Variants in FOCAD observed in about 807,000 individuals in gnomAD.
FOCAD encodes the protein focadhesin.
A neutral mutation model predicts 225.6 loss-of-function variants in FOCAD; 198 were observed. That is an observed-to-expected ratio of 0.88 (90% CI 0.78 to 0.99). The LOEUF is 0.99. Ranked by LOEUF, FOCAD falls within the 50% of genes least tolerant of loss-of-function variation. FOCAD has a pLI of 0.00. For synonymous variants in FOCAD, 897 were observed against 755.0 expected, an observed-to-expected ratio of 1.19 and a Z score of -3.08; for missense variants, 2,713 against 2,123.6, an observed-to-expected ratio of 1.28 and a Z score of -5.46.
intron 19 of FOCAD, among the ~76,000 whole-genome samples, chr9:20,879,233 A>G (rs1243980227): frequency 6.6e-6 from 1 of 152,208 alleles, no homozygotes; most frequent in Non-Finnish European, 1.5e-5. Context: ...ACAAGGTAAT[A>G]GTTCTGCCTA....
chr9:20,979,290 T>C (rs761082574), intron 37 of FOCAD, among the ~76,000 whole-genome samples: 2 of 152,174 alleles, frequency 1.3e-5, no homozygotes, highest in African/African-American at 4.8e-5. Flanking sequence ...AGCCCTCTTA[T>C]CATTTCCTCA....
intron 11 of FOCAD, among the ~76,000 whole-genome samples, chr9:20,817,242 G>A (rs1257892743): frequency 1.3e-5 from 2 of 152,066 alleles, no homozygotes; most frequent in African/African-American, 4.8e-5. Context: ...TCCATTTGAA[G>A]TGTACAATTC....
At chr9:20,837,507 A>G (rs1275704100) in intron 15 of FOCAD, among the ~76,000 whole-genome samples, 1 of 152,054 alleles carries the variant, frequency 6.6e-6, no homozygotes, top group Non-Finnish European at 1.5e-5. Context: ...ATTCCAGTGA[A>G]TAAAATATAC....
chr9:20,955,352 T>G (rs1838039726), intron 35 of FOCAD, among the ~76,000 whole-genome samples: 1 of 152,154 alleles, frequency 6.6e-6, no homozygotes, highest in Admixed American at 6.5e-5. Context: ...TTTCTAATGT[T>G]TAGGGCTTTC....
chr9:20,938,246 T>A (rs1020261841), intron 28 of FOCAD, among the ~76,000 whole-genome samples: 1 of 152,176 alleles, frequency 6.6e-6, no homozygotes, highest in Non-Finnish European at 1.5e-5. Context: ...ACCCAAAGGT[T>A]TATAAATCAT....
intron 2 of FOCAD, 61 bp from the exon 3 acceptor site, chr9:20,717,733 G>A (rs1825449218): frequency 1.6e-6 from 2 of 1,241,016 alleles, no homozygotes; most frequent in Non-Finnish European, 2.3e-6. Flanking sequence ...ATATCAACTA[G>A]TATTGATATT....
intron 10 of FOCAD, among the ~76,000 whole-genome samples, chr9:20,788,578 A>G (rs1006849217): frequency 7.2e-5 from 11 of 152,200 alleles, no homozygotes; most frequent in African/African-American, 2.7e-4. Context: ...CCAGACAGTT[A>G]TAATCCAGAG....
At position 20,902,867 on chromosome 9, in the gene FOCAD, G is replaced by A. The variant is rs982919517; in HGVS notation, c.2626-4283G>A. 5.9e-5 allele frequency among the ~76,000 whole-genome samples: 9 copies of A among 151,882 alleles called. No individual in the cohort carries two copies. The South Asian group carries it at 6.2e-4, about 11-fold the overall frequency. On this transcript the variant is annotated intron_variant, in intron 21 of 43. Transcript: ENST00000338382. ...AAAGATAACAGGAAGAGTGGGTTTCGAATGATGATGACAAAGAAGTGTGCA... is the reference window on the plus strand; with the variant it reads ...AAAGATAACAGGAAGAGTGGGTTTCAAATGATGATGACAAAGAAGTGTGCA...
intron 19 of FOCAD, 177 bp downstream of exon 19, chr9:20,874,984 A>G: frequency 1.3e-6 from 1 of 753,052 alleles, no homozygotes; most frequent in Non-Finnish European, 2.1e-6. Context: ...TGGTGTTTAA[A>G]TCATACGAAA....
At chr9:20,920,149 G>A (rs987103294) in intron 24 of FOCAD, among the ~76,000 whole-genome samples, 15 of 152,256 alleles carry the variant, frequency 9.9e-5, no homozygotes, top group South Asian at 2.1e-4. Flanking sequence ...ACAAGTGGGC[G>A]AAGGAGATGA....
rs984508092 is a variant in FOCAD at position 20,867,088 on chromosome 9, A to AT, written c.2190+77dup. ...AACTTTTTCTCTCTCATCTTAGGAG[A>AT]TACTTACCTGATGAATATATACATA... is the stretch of plus-strand genomic sequence containing the variant. On this transcript the variant is annotated intron_variant, in intron 18 of 43. Coordinates refer to ENST00000338382, the MANE Select transcript of FOCAD (RefSeq NM_001375567.1). 3.5e-4 allele frequency: 312 copies of AT among 889,970 alleles called. 1 individual carries two copies. Among genetic ancestry groups the AT allele is most frequent in the Non-Finnish European group, 5.4e-5 (30 of 558,458 alleles). The allele number at this position is 889,970 out of a possible 1,614,324, so 55.1% of individuals were successfully genotyped here.
intron 26 of FOCAD, 114 bp from the exon 27 acceptor site, chr9:20,929,244 T>G: frequency 1.4e-6 from 1 of 717,682 alleles, no homozygotes; most frequent in Non-Finnish European, 2.4e-6. Flanking sequence ...TTATTTTGGG[T>G]GTCGGCCGGG....
At position 20,807,946 on chromosome 9, in the gene FOCAD, G is replaced by C. The variant is rs376962545; in HGVS notation, c.1456-11850G>C. On this transcript the variant is annotated intron_variant, in intron 11 of 43. Transcript: ENST00000338382. ...CACACCTGTAATTCCAGCTACTTGT[G>C]AGGCTGAGGCATGAGAATCGCTTGA... Among the ~76,000 whole-genome samples, 9 of 152,170 alleles carry C rather than the reference G, an allele frequency of 5.9e-5. No homozygotes were observed. In the East Asian group the frequency reaches 1.7e-3, roughly 29 times the overall value.
chr9:20,978,233 C>G, intron 36 of FOCAD, 106 bp from the exon 37 acceptor site: 4 of 633,286 alleles, frequency 6.3e-6, no homozygotes, highest in Non-Finnish European at 5.3e-6. Flanking sequence ...AGTTCTGTTA[C>G]CTGCAAAAGT....
At chr9:20,776,173 A>C (rs1818735272) in intron 8 of FOCAD, among the ~76,000 whole-genome samples, 2 of 152,208 alleles carry the variant, frequency 1.3e-5, no homozygotes, top group African/African-American at 4.8e-5. Flanking sequence ...TTATGAAAGA[A>C]GGATCTGGAA....
chr9:20,830,400 T>G (rs1241209024), intron 15 of FOCAD, among the ~76,000 whole-genome samples: 2 of 152,132 alleles, frequency 1.3e-5, no homozygotes, highest in African/African-American at 4.8e-5. Flanking sequence ...TCCAAAGATG[T>G]TAGGTTTTTA....
chr9:20,948,363 C>G lies in FOCAD; in HGVS notation c.3768C>G (p.Leu1256=). 1 of 1,612,438 alleles carries G rather than the reference C, an allele frequency of 6.2e-7. No homozygotes were observed. The highest frequency in any genetic ancestry group is 8.5e-7 in the Non-Finnish European group (1 of 1,178,884). The change falls in exon 31 of 44, where the codon CTC becomes CTG. Residue 1256 remains leucine (L), a synonymous_variant. Coordinates refer to ENST00000338382, the MANE Select transcript of FOCAD (RefSeq NM_001375567.1). The part of the protein sequence containing the change: ...GKAEDLGSKL[L]PAWIRIVLTE... ...CTGAAGACTTGGGCAGCAAACTACT[C>G]CCTGCCTGGATCAGAATTGTTCTAA...
chr9:20,758,035 T>G (rs1433584494), intron 5 of FOCAD, 55 bp from the exon 6 acceptor site: 1 of 1,196,414 alleles, frequency 8.4e-7, no homozygotes, highest in Non-Finnish European at 1.2e-6. Flanking sequence ...ATTTGGATAT[T>G]GAAAATGTGT....
chr9:20,897,104 G>C (rs888467206), intron 21 of FOCAD: 2 of 151,770 alleles, frequency 1.3e-5, no homozygotes, highest in Non-Finnish European at 2.9e-5. Context: ...TCTAAGGATT[G>C]TTATGTCTTC....
Sources: allele counts gnomAD v4.1 joint callset (sites outside exome capture counted in the v4.1 genomes callset), GRCh38; gene constraint gnomAD v4.1.1; transcripts MANE v1.5; gene names NCBI Gene and HGNC (gene_info 2026-07-23, HGNC 2026-07-21).